The following ELAVL1 variants were observed in gnomAD, a reference collection of about 807,000 sequenced individuals.
ELAVL1 encodes the protein ELAV-like protein 1.
In ELAVL1, 1 loss-of-function variant was observed where a neutral mutation model predicts 28.4. That is an observed-to-expected ratio of 0.04 (90% confidence interval 0.01 to 0.17). ELAVL1 has a LOEUF of 0.17. Among genes scored for constraint, ELAVL1 ranks in the 10% least tolerant of loss-of-function variants. The probability of loss-of-function intolerance (pLI) is 1.00; values close to 1 mark genes in which losing one functional copy is unlikely to be tolerated. For missense variants in ELAVL1, 157 were observed against 447.2 expected (o/e 0.35, Z 5.85); for synonymous variants, 174 against 183.5 (o/e 0.95, Z 0.42).
In ELAVL1 at chr19:7,970,679, G is replaced by A. The variant is rs1005381359; in HGVS notation, c.431-2889C>T. On this transcript the variant is annotated intron_variant, in intron 4 of 5. Transcript: ENST00000407627. ...TCACAATTAAGGTGGATATAGAAGC[G>A]AAGGAATACAAAAAATTAAGCTCTG... Among the ~76,000 whole-genome samples the A allele has an allele frequency of 1.6e-4, 24 of 152,138 alleles. 1 individual carries two copies. Among genetic ancestry groups the A allele is most frequent in the South Asian group, 2.1e-4 (1 of 4,826 alleles).
chr19:7,975,125 T>G (rs571303494), intron 3 of ELAVL1, among the ~76,000 whole-genome samples: 1 of 152,194 alleles, frequency 6.6e-6, no homozygotes, highest in East Asian at 1.9e-4. Context: ...TGGGGACACT[T>G]GCTCACCCCA....
At chr19:7,998,389 G>A (rs950597939) in intron 1 of ELAVL1, among the ~76,000 whole-genome samples, 34 of 152,154 alleles carry the variant, frequency 2.2e-4, no homozygotes, top group African/African-American at 7.2e-4. Context: ...ATTGAGGCTC[G>A]GCGGTCACAC....
At chr19:7,988,921 C>T (rs1053153219) in intron 2 of ELAVL1, among the ~76,000 whole-genome samples, 45 of 152,236 alleles carry the variant, frequency 3.0e-4, no homozygotes, top group African/African-American at 9.6e-4. Context: ...AAGGGAGGAT[C>T]GGGGCTGGAG....
chr19:8,002,145 C>G, intron 1 of ELAVL1: 1 of 1,286,476 alleles, frequency 7.8e-7, no homozygotes, highest in South Asian at 1.2e-5. Flanking sequence ...AAAGAACCCA[C>G]GTGGTTCTTT....
At position 7,963,526 on chromosome 19, in the gene ELAVL1, T is replaced by C; in HGVS notation, c.938A>G (p.Lys313Arg). Residue 313 changes from lysine to arginine, a missense_variant, in exon 6 of 6, where the codon AAA becomes AGA. By Grantham distance (26) the Lys-to-Arg change is conservative. Around this residue, in one of 4 missense-constraint regions of ELAVL1, gnomAD observed 107 missense variants for 310.4 expected, o/e 0.34. Transcript: ENST00000407627. This position sits in a 1 kb window ranked among gnomAD's most constrained non-coding sequence, Gnocchi z 4.5. ...GGTTTTGAAGGAAACCTGTAAGATT[T>C]TGTCCCCCAGGCGGTAGCCGTTCAG... ...ASLNGYRLGD[K>R]ILQVSFKTNK... The C allele has an allele frequency of 6.2e-7, 1 of 1,612,810 alleles. No homozygotes were observed. Among genetic ancestry groups the C allele is most frequent in the Non-Finnish European group, 8.5e-7 (1 of 1,178,844 alleles).
chr19:7,990,986 T>G (rs953088395), intron 2 of ELAVL1, among the ~76,000 whole-genome samples: 3 of 152,130 alleles, frequency 2.0e-5, no homozygotes, highest in African/African-American at 7.2e-5. Context: ...ACCACCAGGA[T>G]GTAGAAGCCA....
chr19:7,981,561 T>C lies in ELAVL1; in HGVS notation c.173-375A>G, dbSNP rs570779214. Reference sequence around the variant, plus strand: ...TATTTTTAGAGATGGGGTCTCACTATGTCACCCAGGCTGGTCTAAAACTTC... The same window carrying C: ...TATTTTTAGAGATGGGGTCTCACTACGTCACCCAGGCTGGTCTAAAACTTC... On this transcript the variant is annotated intron_variant, in intron 2 of 5. Transcript: ENST00000407627. This position sits in a 1 kb window ranked among gnomAD's most constrained non-coding sequence, Gnocchi z 4.2. Among the ~76,000 whole-genome samples the C allele has an allele frequency of 2.1e-3, 323 of 152,128 alleles. No individual in the cohort carries two copies. The highest frequency in any genetic ancestry group is 3.5e-3 in the Non-Finnish European group (237 of 67,980).
rs1201776970 is a variant in ELAVL1, at chr19:7,981,609, C to G, written c.173-423G>C. Among the ~76,000 whole-genome samples, 3 of 152,158 alleles carry G rather than the reference C, an allele frequency of 2.0e-5. No homozygotes were observed. The highest frequency in any genetic ancestry group is 7.2e-5 in the African/African-American group (3 of 41,432). On this transcript the variant is annotated intron_variant, in intron 2 of 5. Coordinates refer to ENST00000407627, the MANE Select transcript of ELAVL1 (RefSeq NM_001419.3). This position sits in a 1 kb window ranked among gnomAD's most constrained non-coding sequence, Gnocchi z 4.2. ...TTCTGGGCTCAAGCAATCCTCCCAC[C>G]TCGGCCCCACCTCGACCTCCCAAAG...
intron 2 of ELAVL1, among the ~76,000 whole-genome samples, chr19:7,989,105 G>A (rs1316028900): frequency 1.3e-5 from 2 of 152,208 alleles, no homozygotes; most frequent in African/African-American, 2.4e-5. Flanking sequence ...CGGGGTGCCT[G>A]CCTGGCCGGG....
chr19:7,975,095 C>G (rs1315718058), intron 3 of ELAVL1, among the ~76,000 whole-genome samples: 4 of 152,190 alleles, frequency 2.6e-5, no homozygotes, highest in African/African-American at 9.7e-5. Flanking sequence ...GCACCTCCAT[C>G]AGCCTGTGGA....
intron 4 of ELAVL1, among the ~76,000 whole-genome samples, chr19:7,970,688 CAAAAAATTAAGCTCT>C (rs1288665456): frequency 2.0e-5 from 3 of 152,078 alleles, no homozygotes; most frequent in African/African-American, 7.2e-5. Flanking sequence ...CGAAGGAATA[CAAAAAATTAAGCTCT>C]GTCAGCTCAG....
At chr19:7,989,661 G>A (rs533518592) in intron 2 of ELAVL1, among the ~76,000 whole-genome samples, 1 of 152,352 alleles carries the variant, frequency 6.6e-6, no homozygotes, top group African/African-American at 2.4e-5. Flanking sequence ...TAGTGGCACA[G>A]GAGAATTTTA....
rs1984729103 is a variant in ELAVL1 at position 7,958,847 on chromosome 19, A to G, written c.*4636T>C. 1 of 153,008 alleles carries G rather than the reference A, an allele frequency of 6.5e-6. No individual in the cohort carries two copies. The highest frequency in any genetic ancestry group is 2.4e-5 in the African/African-American group (1 of 41,454). 9.5% of individuals were successfully genotyped at this position (153,008 alleles called of 1,614,324 possible). On this transcript the variant is annotated 3_prime_UTR_variant, in exon 6 of 6. Coordinates refer to ENST00000407627, the MANE Select transcript of ELAVL1 (RefSeq NM_001419.3). ...TGTTTCCATTACATGTAAATATATC[A>G]ATTTGGCATCTCTATAAAAACTCTG...
At chr19:7,980,827 C>T (rs1033527504) in intron 3 of ELAVL1, among the ~76,000 whole-genome samples, 1 of 152,122 alleles carries the variant, frequency 6.6e-6, no homozygotes, top group African/African-American at 2.4e-5. Flanking sequence ...GATGGGAACA[C>T]AGAGAGCCAG....
chr19:7,984,720 G>GAGGCAGCAGGA (rs1389621987), intron 2 of ELAVL1, among the ~76,000 whole-genome samples: 1 of 152,238 alleles, frequency 6.6e-6, no homozygotes, highest in African/African-American at 2.4e-5. Flanking sequence ...TAGGTGCCTG[G>GAGGCAGCAGGA]AGGCAGCAGG....
chr19:7,964,397 CCT>C (rs1305140235), intron 5 of ELAVL1, among the ~76,000 whole-genome samples: 2 of 152,086 alleles, frequency 1.3e-5, no homozygotes, highest in Admixed American at 6.6e-5. Context: ...CTCAACATCC[CCT>C]GAGGGTCAGG....
At chr19:7,964,722 A>G (rs1466810847) in intron 5 of ELAVL1, among the ~76,000 whole-genome samples, 1 of 152,184 alleles carries the variant, frequency 6.6e-6, no homozygotes, top group Non-Finnish European at 1.5e-5. Flanking sequence ...CTAAAATAAA[A>G]TAAAGCCTTC....
chr19:7,964,976 C>T (rs1185091373), intron 5 of ELAVL1, among the ~76,000 whole-genome samples: 1 of 152,222 alleles, frequency 6.6e-6, no homozygotes, highest in Non-Finnish European at 1.5e-5. Context: ...CCAAGCGCAG[C>T]CCTGCAGGCC....
chr19:7,982,267 G>A lies in ELAVL1; in HGVS notation c.173-1081C>T, dbSNP rs1467706482. 2.6e-5 allele frequency among the ~76,000 whole-genome samples: 4 copies of A among 152,168 alleles called. No homozygotes were observed. The highest frequency in any genetic ancestry group is 4.4e-5 in the Non-Finnish European group (3 of 68,026). On this transcript the variant is annotated intron_variant, in intron 2 of 5. Coordinates refer to ENST00000407627, the MANE Select transcript of ELAVL1 (RefSeq NM_001419.3). This position sits in a 1 kb window ranked among gnomAD's most constrained non-coding sequence, Gnocchi z 4.3. ...AGGCACAGGGAAGAGCGCAATCCCCGTCTCCCGCAGCTTATCCATGCACTT... is the reference window on the plus strand; with the variant it reads ...AGGCACAGGGAAGAGCGCAATCCCCATCTCCCGCAGCTTATCCATGCACTT...
Sources: gnomAD v4.1 joint callset for allele counts (sites outside exome capture counted in the v4.1 genomes callset) on GRCh38, gnomAD v4.1.1 for gene constraint, gnomAD v4.1.1 regional missense constraint, Gnocchi (gnomAD v3.1) non-coding constraint, MANE v1.5 for transcripts, NCBI Gene and HGNC (gene_info 2026-07-23, HGNC 2026-07-21) for gene names.